CDH13: variants seen among roughly 807,000 people sequenced by gnomAD.
CDH13 encodes cadherin-13.
CDH13 carries 24 observed loss-of-function variants against 63.8 expected under a neutral mutation model. That is an observed-to-expected ratio of 0.38 (90% CI 0.27 to 0.53). CDH13 has a LOEUF of 0.53. Ranked by LOEUF, CDH13 falls within the 20% of genes least tolerant of loss-of-function variation. The pLI is 0.85. For missense variants in CDH13, 1,049 were observed against 903.1 expected, an observed-to-expected ratio of 1.16 and a Z score of -2.07; for synonymous variants, 503 against 355.3, an observed-to-expected ratio of 1.42 and a Z score of -4.67.
intron 5 of CDH13, among the ~76,000 whole-genome samples, chr16:83,297,627 G>C (rs2089633531): frequency 6.6e-6 from 1 of 152,152 alleles, no homozygotes. Flanking sequence ...TTGCCAAAAT[G>C]TTGGAAAGAG....
chr16:83,634,557 T>C (rs531529364), intron 8 of CDH13, among the ~76,000 whole-genome samples: 75 of 152,182 alleles, frequency 4.9e-4, no homozygotes, highest in African/African-American at 1.6e-3. Context: ...CCTGCCACCA[T>C]GCCCAGCTAA....
At position 83,568,457 on chromosome 16, in the gene CDH13, C is replaced by T. The variant is rs192430795; in HGVS notation, c.961-33997C>T. ...GAGGTTTCTGAGCATAATGAATGTC[C>T]GCACATGTCACTGAGTTATTGATGA... On this transcript the variant is annotated intron_variant, in intron 7 of 13. Transcript: ENST00000567109. 3.1e-3 allele frequency among the ~76,000 whole-genome samples: 465 copies of T among 152,198 alleles called. 3 individuals are homozygous for T. Among genetic ancestry groups the T allele is most frequent in the African/African-American group, 0.011 (441 of 41,510 alleles).
intron 7 of CDH13, among the ~76,000 whole-genome samples, chr16:83,518,537 A>C (rs1048383828): frequency 6.8e-6 from 1 of 147,480 alleles, no homozygotes; most frequent in South Asian, 2.2e-4. Context: ...CAGTGGTGCA[A>C]TGTTGGCTCA....
intron 13 of CDH13, among the ~76,000 whole-genome samples, chr16:83,787,538 C>T (rs770913005): frequency 3.9e-5 from 6 of 152,196 alleles, no homozygotes; most frequent in East Asian, 1.9e-4. Context: ...CTATGACCAA[C>T]GCTACTACAG....
At chr16:82,635,529 G>A (rs1018434127) in intron 1 of CDH13, among the ~76,000 whole-genome samples, 1 of 152,228 alleles carries the variant, frequency 6.6e-6, no homozygotes, top group Non-Finnish European at 1.5e-5. Flanking sequence ...CTCAGAGCAA[G>A]TGGCAGCCAT....
rs1011628304 is a variant in CDH13 at position 82,817,640 on chromosome 16, C to T, written c.46-40722C>T. 2.0e-5 allele frequency among the ~76,000 whole-genome samples: 3 copies of T among 151,990 alleles called. No individual in the cohort carries two copies. The South Asian group carries it at 6.2e-4, about 32-fold the overall frequency. On this transcript the variant is annotated intron_variant, in intron 1 of 13. Coordinates refer to ENST00000567109, the MANE Select transcript of CDH13 (RefSeq NM_001257.5). ...CCAAAATGATGAAACCCTGTCTTTG[C>T]TAAAAATACAAAAAAACAGCCAGGT...
chr16:82,729,534 A>G (rs2151033455), intron 1 of CDH13, among the ~76,000 whole-genome samples: 1 of 152,242 alleles, frequency 6.6e-6, no homozygotes, highest in Non-Finnish European at 1.5e-5. Context: ...TGGGATTAAA[A>G]TATTCAGTAA....
intron 7 of CDH13, among the ~76,000 whole-genome samples, chr16:83,505,806 A>T (rs754742804): frequency 3.3e-5 from 5 of 152,004 alleles, no homozygotes; most frequent in Admixed American, 6.6e-5. Context: ...GCCTCCCAAA[A>T]TGCCTAACCC....
At chr16:83,181,789 A>ATGTG (rs1366264889) in intron 4 of CDH13, among the ~76,000 whole-genome samples, 3 of 151,814 alleles carry the variant, frequency 2.0e-5, no homozygotes, top group Non-Finnish European at 4.4e-5. Context: ...GTGTGTGTGC[A>ATGTG]TGTGTGTGTG....
intron 1 of CDH13, among the ~76,000 whole-genome samples, chr16:82,677,763 C>T (rs929732308): frequency 1.3e-5 from 2 of 152,162 alleles, no homozygotes; most frequent in African/African-American, 4.8e-5. Context: ...GTTTTCAGTT[C>T]TACAATCTAC....
intron 2 of CDH13, among the ~76,000 whole-genome samples, chr16:82,956,550 C>T (rs992289538): frequency 6.6e-6 from 1 of 152,152 alleles, no homozygotes; most frequent in African/African-American, 2.4e-5. Context: ...CTGCCACACC[C>T]TTTGGAACTC....
At chr16:82,801,150 C>A (rs747526443) in intron 1 of CDH13, among the ~76,000 whole-genome samples, 3 of 152,166 alleles carry the variant, frequency 2.0e-5, no homozygotes, top group African/African-American at 7.2e-5. Flanking sequence ...TCCCACTTGG[C>A]TTCCTAACCT....
At chr16:82,753,106 C>T (rs1313020690) in intron 1 of CDH13, among the ~76,000 whole-genome samples, 2 of 152,162 alleles carry the variant, frequency 1.3e-5, no homozygotes, top group Non-Finnish European at 2.9e-5. Flanking sequence ...AAAGTGACCT[C>T]TTACAAACAG....
At chr16:82,847,406 C>G (rs1307741861) in intron 1 of CDH13, among the ~76,000 whole-genome samples, 4 of 152,194 alleles carry the variant, frequency 2.6e-5, no homozygotes, top group Non-Finnish European at 5.9e-5. Context: ...AGGGGCCACC[C>G]ACATTCCTTG....
intron 2 of CDH13, among the ~76,000 whole-genome samples, chr16:83,003,566 G>A (rs1913168034): frequency 6.6e-6 from 1 of 152,212 alleles, no homozygotes; most frequent in South Asian, 2.1e-4. Context: ...ACCCAAGCAA[G>A]TATAGCTCAA....
At chr16:83,558,993 G>T (rs537100712) in intron 7 of CDH13, among the ~76,000 whole-genome samples, 2 of 152,254 alleles carry the variant, frequency 1.3e-5, no homozygotes, top group East Asian at 1.9e-4. Context: ...CCTCAATGGG[G>T]TCAGCATCTC....
chr16:82,644,361 C>T lies in CDH13; in HGVS notation c.45+17224C>T, dbSNP rs1909814936. On this transcript the variant is annotated intron_variant, in intron 1 of 13. Coordinates refer to ENST00000567109, the MANE Select transcript of CDH13 (RefSeq NM_001257.5). The surrounding 1 kb of genome is among the most constrained non-coding windows in gnomAD (Gnocchi z 5.7). Reference sequence around the variant, plus strand: ...CTTCTGCGTCTCCCTCTGTGCTCTCCATCACCCCCCTACGGAGTTCCTTTG... The same window carrying T: ...CTTCTGCGTCTCCCTCTGTGCTCTCTATCACCCCCCTACGGAGTTCCTTTG... Among the ~76,000 whole-genome samples, 1 of 152,144 alleles carries T rather than the reference C, an allele frequency of 6.6e-6. No individual in the cohort carries two copies. Among genetic ancestry groups the T allele is most frequent in the African/African-American group, 2.4e-5 (1 of 41,426 alleles).
At chr16:82,966,300 C>A (rs868108099) in intron 2 of CDH13, among the ~76,000 whole-genome samples, 1 of 151,756 alleles carries the variant, frequency 6.6e-6, no homozygotes, top group East Asian at 1.9e-4. Context: ...AGGCGCCCGC[C>A]ACCACGCCCA....
At position 83,719,589 on chromosome 16, in the gene CDH13, G is replaced by A. The variant is rs527526276; in HGVS notation, c.1539-28519G>A. 1.2e-3 allele frequency among the ~76,000 whole-genome samples: 177 copies of A among 152,216 alleles called. 1 individual carries two copies. The highest frequency in any genetic ancestry group is 3.4e-3 in the Middle Eastern group (1 of 294). On this transcript the variant is annotated intron_variant, in intron 10 of 13. Coordinates refer to ENST00000567109, the MANE Select transcript of CDH13 (RefSeq NM_001257.5). ...AGGATGTACTAGGAGCGTAGCTACC[G>A]AGCGCTTCCTGCATACCACGTGCAG... is the stretch of plus-strand genomic sequence containing the variant.
Sources: gnomAD v4.1 joint callset for allele counts (sites outside exome capture counted in the v4.1 genomes callset) on GRCh38, gnomAD v4.1.1 for gene constraint, Gnocchi (gnomAD v3.1) non-coding constraint, MANE v1.5 for transcripts, NCBI Gene and HGNC (gene_info 2026-07-23, HGNC 2026-07-21) for gene names.